Variants in MPDZ observed in about 807,000 individuals in gnomAD.
MPDZ encodes the protein multiple PDZ domain crumbs cell polarity complex component, also known as multiple PDZ domain protein.
A neutral mutation model predicts 239.1 loss-of-function variants in MPDZ; 234 were observed. That is an observed-to-expected ratio of 0.98 (90% CI 0.88 to 1.09). The LOEUF (loss-of-function observed/expected upper bound fraction) is 1.09, where lower values mean the gene tolerates loss of function less well. MPDZ is among the 50% of genes least tolerant of loss of function. MPDZ has a pLI of 0.00. For synonymous variants in MPDZ, 1,048 were observed against 881.3 expected, an observed-to-expected ratio of 1.19 and a Z score of -3.35; for missense variants, 3,175 against 2,510.0, an observed-to-expected ratio of 1.26 and a Z score of -5.66.
In MPDZ at chr9:13,123,197, T is replaced by C. The variant is rs751337843; in HGVS notation, c.4909A>G (p.Thr1637Ala). The C allele has an allele frequency of 2.9e-5, 47 of 1,613,122 alleles. No homozygotes were observed. The highest frequency in any genetic ancestry group is 3.6e-5 in the Non-Finnish European group (42 of 1,179,822). The change falls in exon 36 of 47, where the codon ACA (threonine) becomes GCA (alanine). Residue 1637 changes from threonine to alanine, a missense_variant. Transcript: ENST00000319217. Reference protein sequence around the residue: ...ETTIEISKGRTGLGLSIVGGS... With the variant: ...ETTIEISKGRAGLGLSIVGGS... ...CCAACGATGCTCAGGCCCAGCCCTG[T>C]TCGCCCTTTGGAAATCTCGATGGTT... is the stretch of plus-strand genomic sequence containing the variant.
intron 10 of MPDZ, among the ~76,000 whole-genome samples, chr9:13,215,969 T>TTTTG (rs1958285465): frequency 7.9e-6 from 1 of 127,178 alleles, no homozygotes; most frequent in African/African-American, 3.2e-5. Context: ...TTTTTTTTTT[T>TTTTG]AGAGATAGGA....
At chr9:13,268,399 A>G (rs1972248765) in intron 1 of MPDZ, among the ~76,000 whole-genome samples, 1 of 152,110 alleles carries the variant, frequency 6.6e-6, no homozygotes, top group South Asian at 2.1e-4. Flanking sequence ...ATAATTTTCT[A>G]TTATTTTTCA....
At chr9:13,128,654 C>G (rs1041692920) in intron 32 of MPDZ, among the ~76,000 whole-genome samples, 33 of 152,312 alleles carry the variant, frequency 2.2e-4, no homozygotes, top group African/African-American at 7.5e-4. Flanking sequence ...GTTTGAACAA[C>G]TGAAGTCAAT....
intron 28 of MPDZ, among the ~76,000 whole-genome samples, chr9:13,138,486 G>A (rs1410689814): frequency 6.6e-6 from 1 of 152,168 alleles, no homozygotes; most frequent in Non-Finnish European, 1.5e-5. Flanking sequence ...CATTTGCAGA[G>A]GAGAACAGAA....
intron 36 of MPDZ, 25 bp downstream of exon 36, chr9:13,123,128 A>G: frequency 6.3e-7 from 1 of 1,599,728 alleles, no homozygotes; most frequent in South Asian, 1.1e-5. Context: ...CGGCCTGTAC[A>G]GAAGCACCTC....
intron 5 of MPDZ, 97 bp from the exon 6 acceptor site, chr9:13,222,543 T>C: frequency 1.0e-6 from 1 of 960,270 alleles, no homozygotes. Flanking sequence ...TTTAATCCTA[T>C]TTTTAATTCC....
At position 13,147,594 on chromosome 9, in the gene MPDZ, C is replaced by T. The variant is rs1165973510; in HGVS notation, c.3695G>A (p.Gly1232Asp). Residue 1232 changes from glycine (G) to aspartate (D), a missense_variant, in exon 26 of 47, where the codon GGC (glycine) becomes GAC (aspartate). Gly to Asp is a moderately conservative substitution (Grantham distance 94, BLOSUM62 -1). Coordinates refer to ENST00000319217, the MANE Select transcript of MPDZ (RefSeq NM_001378778.1). ...EQAVEAIRKA[G>D]NPVVFMVQSI... ...CTGTACCATAAAGACTACAGGGTTG[C>T]CTGCTTTCCGAATGGCTTCCACAGC... is the stretch of plus-strand genomic sequence containing the variant. 2 of 1,612,402 alleles carry T rather than the reference C, an allele frequency of 1.2e-6. No individual in the cohort carries two copies. The highest frequency in any genetic ancestry group is 3.3e-5 in the Admixed American group (2 of 59,910).
At chr9:13,250,198 C>T (rs1042985540) in intron 2 of MPDZ, 102 bp downstream of exon 2, 50 of 1,100,620 alleles carry the variant, frequency 4.5e-5, no homozygotes, top group Non-Finnish European at 5.8e-5. Context: ...AATCTAGATA[C>T]CATAGACAGA....
chr9:13,259,227 T>C (rs539481180), intron 1 of MPDZ, among the ~76,000 whole-genome samples: 1 of 149,016 alleles, frequency 6.7e-6, no homozygotes, highest in South Asian at 2.3e-4. Flanking sequence ...CTTCCTAATA[T>C]AGCCTCCGCC....
At chr9:13,119,414 C>G (rs1943988477) in intron 39 of MPDZ, 88 bp downstream of exon 39, 1 of 1,444,254 alleles carries the variant, frequency 6.9e-7, no homozygotes, top group Non-Finnish European at 9.4e-7. Flanking sequence ...AAAGAGAAGT[C>G]ATTACTAATT....
At chr9:13,160,826 A>C in intron 23 of MPDZ, among the ~76,000 whole-genome samples, 1 of 105,422 alleles carries the variant, frequency 9.5e-6, no homozygotes, top group African/African-American at 3.6e-5. Flanking sequence ...TGTCATTATT[A>C]AAATTATATA....
At chr9:13,168,227 G>T in intron 22 of MPDZ, 139 bp downstream of exon 22, 2 of 773,146 alleles carry the variant, frequency 2.6e-6, no homozygotes, top group Non-Finnish European at 4.2e-6. Context: ...CTCAAAAATA[G>T]TCAATTTCTT....
intron 28 of MPDZ, 92 bp from the exon 29 acceptor site, chr9:13,138,245 G>C (rs1947132292): frequency 7.8e-7 from 1 of 1,288,984 alleles, no homozygotes; most frequent in Non-Finnish European, 1.0e-6. Context: ...ACCTCAAAAG[G>C]ACAGATTTTA....
chr9:13,234,362 G>A (rs944418953), intron 3 of MPDZ, among the ~76,000 whole-genome samples: 1 of 152,026 alleles, frequency 6.6e-6, no homozygotes, highest in East Asian at 1.9e-4. Context: ...TAAGTGAAAA[G>A]AAAGTTAATA....
Position 13,113,061 on chromosome 9 carries a change from A to G in MPDZ, c.5558-7T>C. Reference sequence around the variant, plus strand: ...CCCTGTATTTCAGATGCCACTGTAAAGGCAAAAAAGATAAAATAGGGTTAT... The same window carrying G: ...CCCTGTATTTCAGATGCCACTGTAAGGGCAAAAAAGATAAAATAGGGTTAT... On this transcript the variant is annotated splice_polypyrimidine_tract_variant and splice_region_variant and intron_variant, in intron 41 of 46. Transcript: ENST00000319217. 1 of 1,567,644 alleles carries G rather than the reference A, an allele frequency of 6.4e-7. No homozygotes were observed.
chr9:13,123,308 A>G lies in MPDZ; in HGVS notation c.4808-10T>C. 1.3e-6 allele frequency: 2 copies of G among 1,588,656 alleles called. No homozygotes were observed. Among genetic ancestry groups the G allele is most frequent in the East Asian group, 2.3e-5 (1 of 43,380 alleles). On this transcript the variant is annotated splice_polypyrimidine_tract_variant and intron_variant, in intron 35 of 46. Coordinates refer to ENST00000319217, the MANE Select transcript of MPDZ (RefSeq NM_001378778.1). ...GATGATCTGCTTGTATCTAAAAATA[A>G]GTTAAAAATGAAATACAAATAAAAA...
At chr9:13,149,510 C>A (rs888737928) in intron 25 of MPDZ, among the ~76,000 whole-genome samples, 12 of 152,076 alleles carry the variant, frequency 7.9e-5, no homozygotes, top group African/African-American at 2.9e-4. Context: ...GTCAGGTACT[C>A]CTTTCTCTAT....
intron 1 of MPDZ, 55 bp downstream of exon 1, chr9:13,279,345 C>A (rs1359011053): frequency 7.0e-6 from 1 of 142,558 alleles, no homozygotes; most frequent in Admixed American, 6.8e-5. Context: ...CCGGCGCGCG[C>A]GCAGGGCGCG....
At chr9:13,249,531 G>A (rs557023393) in intron 2 of MPDZ, among the ~76,000 whole-genome samples, 3 of 152,040 alleles carry the variant, frequency 2.0e-5, no homozygotes, top group South Asian at 2.1e-4. Context: ...TCCTTCTCCC[G>A]TTACTGTCAC....
Sources: gnomAD v4.1 joint callset for allele counts (sites outside exome capture counted in the v4.1 genomes callset) on GRCh38, gnomAD v4.1.1 for gene constraint, MANE v1.5 for transcripts, NCBI Gene and HGNC (gene_info 2026-07-23, HGNC 2026-07-21) for gene names.